Variants in CLDN16 observed in about 807,000 individuals in gnomAD.
CLDN16 encodes claudin-16.
CLDN16 carries 13 observed loss-of-function variants against 24.6 expected under a neutral mutation model. The ratio of observed to expected loss-of-function variants is 0.53; its 90% confidence interval spans 0.34 to 0.84. CLDN16 has a LOEUF of 0.84. Among genes scored for constraint, CLDN16 ranks in the 40% least tolerant of loss-of-function variants. The probability of loss-of-function intolerance (pLI) is 0.01; values close to 1 mark genes in which losing one functional copy is unlikely to be tolerated. For synonymous variants in CLDN16, 116 were observed against 106.7 expected, an observed-to-expected ratio of 1.09 and a Z score of -0.54; for missense variants, 298 against 292.7, an observed-to-expected ratio of 1.02 and a Z score of -0.13.
rs9844883 is a variant in CLDN16 at position 190,380,240 on chromosome 3, C to T, written n.306+5637C>T. ...CCTTCCTTCCTTTTCTTCCTTCCCTCCCTTCCTTCCTTCCTTTCTTCCTTC... is the reference window on the plus strand; with the variant it reads ...CCTTCCTTCCTTTTCTTCCTTCCCTTCCTTCCTTCCTTCCTTTCTTCCTTC... On this transcript the variant is annotated intron_variant and non_coding_transcript_variant, in intron 3 of 4. Coordinates refer to the CLDN16 transcript ENST00000468220. Among the ~76,000 whole-genome samples the T allele has an allele frequency of 3.7e-3, 177 of 47,814 alleles. 19 individuals carry two copies. The highest frequency in any genetic ancestry group is 5.8e-3 in the South Asian group (7 of 1,202). The allele number at this position is 47,814 out of a possible 152,430, so 31.4% of individuals were successfully genotyped here. A position where few individuals can be genotyped will look rare whatever the true frequency, so the allele number is the denominator to read the frequency against.
At chr3:190,359,673 T>C (rs2108640637) in intron 1 of CLDN16, among the ~76,000 whole-genome samples, 1 of 152,148 alleles carries the variant, frequency 6.6e-6, no homozygotes, top group Non-Finnish European at 1.5e-5. Flanking sequence ...TATTTACAAC[T>C]AATGTGATCT....
the CLDN16 span, among the ~76,000 whole-genome samples, chr3:190,294,825 G>A: frequency 2.6e-5 from 4 of 152,014 alleles, 1 homozygote; most frequent in Admixed American, 2.6e-4. Context: ...ATTAAAAAGT[G>A]CTTTTGAAAA....
intron 1 of CLDN16, among the ~76,000 whole-genome samples, chr3:190,395,621 A>G (rs1718799292): frequency 6.6e-6 from 1 of 152,112 alleles, no homozygotes; most frequent in Admixed American, 6.6e-5. Context: ...CTAAGTAGGT[A>G]TCTAAGTAGG....
chr3:190,369,045 A>C (rs1490855691), intron 1 of CLDN16, among the ~76,000 whole-genome samples: 5 of 151,924 alleles, frequency 3.3e-5, no homozygotes, highest in Admixed American at 3.3e-4. Context: ...GTAGTCATAG[A>C]TCTTAACCTG....
intron 1 of CLDN16, among the ~76,000 whole-genome samples, chr3:190,354,591 A>C (rs2108637457): frequency 6.6e-6 from 1 of 152,120 alleles, no homozygotes; most frequent in Non-Finnish European, 1.5e-5. Context: ...CTGGCCAATA[A>C]GAGACATTTC....
the CLDN16 span, among the ~76,000 whole-genome samples, chr3:190,315,724 C>T: frequency 0.04 from 6,109 of 152,182 alleles, 175 homozygotes; most frequent in South Asian, 0.083. Context: ...TGTGGGGCCC[C>T]AAACTGGACC....
intron 1 of CLDN16, among the ~76,000 whole-genome samples, chr3:190,326,778 A>T (rs964596510): frequency 6.6e-6 from 1 of 152,086 alleles, no homozygotes; most frequent in African/African-American, 2.4e-5. Flanking sequence ...TTGGGAGGGG[A>T]TGAAATTTTA....
chr3:190,407,911 T>A (rs887237561), intron 3 of CLDN16, among the ~76,000 whole-genome samples: 5 of 152,202 alleles, frequency 3.3e-5, no homozygotes, highest in African/African-American at 4.8e-5. Context: ...CATTACAGAA[T>A]GAACATATGC....
intron 1 of CLDN16, among the ~76,000 whole-genome samples, chr3:190,343,865 C>T (rs80213783): frequency 0.04 from 6,008 of 151,832 alleles, 390 homozygotes; most frequent in African/African-American, 0.14. Flanking sequence ...AAAGTAGCAA[C>T]GTAGGATGAA....
chr3:190,372,510 C>T (rs927999070), intron 2 of CLDN16, among the ~76,000 whole-genome samples: 42 of 151,640 alleles, frequency 2.8e-4, no homozygotes, highest in Non-Finnish European at 5.9e-5. Context: ...TTGGGCTTGT[C>T]GCACACACCT....
intron 3 of CLDN16, among the ~76,000 whole-genome samples, chr3:190,378,886 G>GT (rs150898327): frequency 0.037 from 5,545 of 151,912 alleles, 146 homozygotes; most frequent in South Asian, 0.063. Flanking sequence ...CCTCATTTTC[G>GT]TCATCTATAA....
chr3:190,319,253 T>A (rs573505668), upstream of CLDN16, among the ~76,000 whole-genome samples: 182 of 152,326 alleles, frequency 1.2e-3, no homozygotes, highest in East Asian at 3.9e-3. Context: ...AAAAGTCTAC[T>A]ACAACTGTAT....
chr3:190,377,840 T>A (rs1718277639), intron 3 of CLDN16, among the ~76,000 whole-genome samples: 1 of 151,968 alleles, frequency 6.6e-6, no homozygotes, highest in Non-Finnish European at 1.5e-5. Flanking sequence ...TTAACAGCTG[T>A]CATCCTGGGA....
intron 2 of CLDN16, among the ~76,000 whole-genome samples, chr3:190,372,374 G>A (rs1365679569): frequency 6.6e-6 from 1 of 151,854 alleles, no homozygotes; most frequent in Non-Finnish European, 1.5e-5. Context: ...CTGGCACAGT[G>A]GAGCCTACCT....
At chr3:190,319,553 C>G (rs1025649126), upstream of CLDN16, among the ~76,000 whole-genome samples, 5 of 152,086 alleles carry the variant, frequency 3.3e-5, no homozygotes, top group Non-Finnish European at 7.4e-5. Flanking sequence ...TATGACCTAC[C>G]CTACATAAAG....
intron 1 of CLDN16, among the ~76,000 whole-genome samples, chr3:190,356,408 T>C (rs1577407690): frequency 6.6e-6 from 1 of 151,970 alleles, no homozygotes; most frequent in East Asian, 1.9e-4. Context: ...GCATACATAC[T>C]CATGTCTGGA....
chr3:190,398,351 C>G (rs1437424297), intron 1 of CLDN16, among the ~76,000 whole-genome samples: 1 of 152,214 alleles, frequency 6.6e-6, no homozygotes, highest in Non-Finnish European at 1.5e-5. Context: ...CTGGAAGAAT[C>G]CGTTCTTAGC....
chr3:190,337,972 G>T (rs1268201211), intron 1 of CLDN16, among the ~76,000 whole-genome samples: 1 of 152,132 alleles, frequency 6.6e-6, no homozygotes, highest in Non-Finnish European at 1.5e-5. Context: ...TATAGCTGTA[G>T]TACCATCTTG....
intron 1 of CLDN16, among the ~76,000 whole-genome samples, chr3:190,396,292 A>C (rs2108664044): frequency 6.6e-6 from 1 of 152,330 alleles, no homozygotes; most frequent in Non-Finnish European, 1.5e-5. Context: ...AGTTGAGTAA[A>C]CAAGGTCCAG....
Sources: gnomAD v4.1 joint callset for allele counts (sites outside exome capture counted in the v4.1 genomes callset) on GRCh38, gnomAD v4.1.1 for gene constraint, MANE v1.5 for transcripts, NCBI Gene and HGNC (gene_info 2026-07-23, HGNC 2026-07-21) for gene names.